GSE1: variants seen among roughly 807,000 people sequenced by gnomAD.
GSE1 encodes the protein genetic suppressor element 1.
A neutral mutation model predicts 112.6 loss-of-function variants in GSE1; 32 were observed. The observed-to-expected ratio is 0.28, with a 90% CI of 0.21 to 0.38. GSE1 has a LOEUF of 0.38. Ranked by LOEUF, GSE1 falls within the 10% of genes least tolerant of loss-of-function variation. The pLI is 1.00. For missense variants in GSE1, 2,348 were observed against 1,699.2 expected, an observed-to-expected ratio of 1.38 and a Z score of -6.71; for synonymous variants, 1,115 against 735.6, an observed-to-expected ratio of 1.52 and a Z score of -8.35.
At chr16:85,308,045 T>C (rs962019732) in intron 1 of GSE1, among the ~76,000 whole-genome samples, 1 of 152,156 alleles carries the variant, frequency 6.6e-6, no homozygotes, top group Non-Finnish European at 1.5e-5. Context: ...GTGGACAGCT[T>C]CCACCAGGCA....
intron 2 of GSE1, among the ~76,000 whole-genome samples, chr16:85,540,493 C>G (rs2044481910): frequency 6.6e-6 from 1 of 152,206 alleles, no homozygotes; most frequent in Non-Finnish European, 1.5e-5. Context: ...GCCATAAAAA[C>G]AGAAATTCAA....
chr16:85,352,298 C>A (rs34500656), intron 1 of GSE1, among the ~76,000 whole-genome samples: 1,565 of 152,288 alleles, frequency 0.01, 11 homozygotes, highest in Non-Finnish European at 0.02. Flanking sequence ...TGGAAGAACC[C>A]TATTAAATTT....
At chr16:85,658,136 G>A (rs761356552) in intron 8 of GSE1, among the ~76,000 whole-genome samples, 24 of 152,174 alleles carry the variant, frequency 1.6e-4, no homozygotes, top group Non-Finnish European at 2.8e-4. Context: ...CTTGGACCCC[G>A]GCTGCAGACA....
upstream of GSE1, chr16:85,613,280 G>A: frequency 1.3e-6 from 2 of 1,538,668 alleles, no homozygotes; most frequent in Non-Finnish European, 1.8e-6. Flanking sequence ...CTCCCCAGCG[G>A]GCCCGAGCTG....
chr16:85,543,159 C>G (rs986646017), intron 2 of GSE1, among the ~76,000 whole-genome samples: 2 of 151,126 alleles, frequency 1.3e-5, no homozygotes, highest in Non-Finnish European at 2.9e-5. Context: ...TTACAGTGAG[C>G]CGAGATTGTG....
chr16:85,555,808 T>G (rs1224599528), upstream of GSE1: 6 of 964,364 alleles, frequency 6.2e-6, no homozygotes, highest in Non-Finnish European at 7.4e-6. Flanking sequence ...GGGGCTGTTT[T>G]TTTTTTCTTT....
intron 1 of GSE1, among the ~76,000 whole-genome samples, chr16:85,227,324 G>T (rs968761023): frequency 6.6e-6 from 1 of 152,236 alleles, no homozygotes; most frequent in Non-Finnish European, 1.5e-5. Context: ...GCTGTTCTCA[G>T]TGAAGGCTAC....
chr16:85,292,485 C>CGTCCAGCTAATTTTTGTATTTTTA (rs924686307), intron 1 of GSE1, among the ~76,000 whole-genome samples: 9 of 152,102 alleles, frequency 5.9e-5, no homozygotes, highest in Non-Finnish European at 1.3e-4. Flanking sequence ...CGTGCCACCA[C>CGTCCAGCTAATTTTTGTATTTTTA]GTCCAGCTAA....
At chr16:85,300,123 T>C (rs1207391618) in intron 1 of GSE1, among the ~76,000 whole-genome samples, 1 of 152,042 alleles carries the variant, frequency 6.6e-6, no homozygotes, top group African/African-American at 2.4e-5. Flanking sequence ...GTGATTCTCC[T>C]GCCTCAGCCT....
chr16:85,544,099 T>G (rs995469548), intron 2 of GSE1, among the ~76,000 whole-genome samples: 19 of 152,182 alleles, frequency 1.2e-4, no homozygotes, highest in African/African-American at 4.3e-4. Flanking sequence ...CTTCCCACAG[T>G]GTTGGGATTA....
intron 2 of GSE1, among the ~76,000 whole-genome samples, chr16:85,434,253 C>G (rs2049188147): frequency 6.6e-6 from 1 of 151,816 alleles, no homozygotes; most frequent in Non-Finnish European, 1.5e-5. Flanking sequence ...TACAGCCCCT[C>G]CTGCCCCATG....
chr16:85,558,773 G>T (rs1386680938), intron 1 of GSE1, among the ~76,000 whole-genome samples: 1 of 152,218 alleles, frequency 6.6e-6, no homozygotes, highest in Non-Finnish European at 1.5e-5. Flanking sequence ...TTCAGGGTGA[G>T]GGCTTACCGG....
intron 1 of GSE1, among the ~76,000 whole-genome samples, chr16:85,188,438 C>A (rs921417634): frequency 1.3e-5 from 2 of 152,090 alleles, no homozygotes; most frequent in African/African-American, 4.8e-5. Flanking sequence ...GAGCTGTCAC[C>A]TAGACCTCAA....
intron 1 of GSE1, among the ~76,000 whole-genome samples, chr16:85,326,579 G>A (rs902837551): frequency 6.6e-6 from 1 of 152,252 alleles, no homozygotes; most frequent in African/African-American, 2.4e-5. Flanking sequence ...GCCTTGTGAA[G>A]AAGTTGCCTG....
intron 1 of GSE1, among the ~76,000 whole-genome samples, chr16:85,562,486 C>T (rs1279511939): frequency 1.3e-5 from 2 of 152,184 alleles, no homozygotes; most frequent in Admixed American, 6.5e-5. Context: ...ACTCTGGAGA[C>T]AGAAGAGGTT....
chr16:85,253,713 A>G (rs1190162288), intron 1 of GSE1, among the ~76,000 whole-genome samples: 1 of 152,024 alleles, frequency 6.6e-6, no homozygotes, highest in African/African-American at 2.4e-5. Flanking sequence ...GCCAGGGGAG[A>G]AGGAGGGTGG....
At chr16:85,420,822 G>A (rs1263499966) in intron 2 of GSE1, among the ~76,000 whole-genome samples, 3 of 152,140 alleles carry the variant, frequency 2.0e-5, no homozygotes, top group Non-Finnish European at 4.4e-5. Context: ...AGAGGCTGCA[G>A]GGCACCCGGC....
chr16:85,641,675 T>A (rs1598518728), intron 2 of GSE1, among the ~76,000 whole-genome samples: 2 of 152,386 alleles, frequency 1.3e-5, no homozygotes, highest in Non-Finnish European at 1.5e-5. Flanking sequence ...CGATGGGGAC[T>A]TCACCTTCCA....
At chr16:85,480,273 G>C (rs1182537940) in intron 2 of GSE1, among the ~76,000 whole-genome samples, 1 of 152,256 alleles carries the variant, frequency 6.6e-6, no homozygotes, top group Non-Finnish European at 1.5e-5. Flanking sequence ...GCAGTGTTTC[G>C]ATGGGGATGG....
Sources: gnomAD v4.1 joint callset for allele counts (sites outside exome capture counted in the v4.1 genomes callset) on GRCh38, gnomAD v4.1.1 for gene constraint, MANE v1.5 for transcripts, NCBI Gene and HGNC (gene_info 2026-07-23, HGNC 2026-07-21) for gene names.